TCTA: variants seen among roughly 807,000 people sequenced by gnomAD.
TCTA encodes T-cell leukemia translocation-altered gene protein.
A neutral mutation model predicts 13.5 loss-of-function variants in TCTA; 13 were observed. That is an observed-to-expected ratio of 0.96 (90% CI 0.63 to 1.53). The LOEUF (loss-of-function observed/expected upper bound fraction) is 1.53. Among genes scored for constraint, TCTA ranks in the 40% most tolerant of loss-of-function variants. The pLI is 0.00. For synonymous variants in TCTA, 58 were observed against 59.0 expected (o/e 0.98, Z 0.08); for missense variants, 138 against 131.3 (o/e 1.05, Z -0.25).
chr3:49,413,748 A>G (rs142563633), intron 2 of TCTA, among the ~76,000 whole-genome samples: 10 of 152,348 alleles, frequency 6.6e-5, no homozygotes, highest in Non-Finnish European at 1.5e-4. Context: ...CGGGTGACAT[A>G]TTAGAATAGG....
At chr3:49,412,677 C>G in intron 1 of TCTA, 37 bp downstream of exon 1, 1 of 1,600,350 alleles carries the variant, frequency 6.2e-7, no homozygotes, top group South Asian at 1.1e-5. Flanking sequence ...GCTGGCCGCC[C>G]CCGCCCCCAC....
intron 2 of TCTA, among the ~76,000 whole-genome samples, chr3:49,413,821 C>T (rs916471582): frequency 1.3e-5 from 2 of 152,218 alleles, no homozygotes; most frequent in Non-Finnish European, 2.9e-5. Flanking sequence ...CATTGAAAGA[C>T]TAACTCAGCA....
chr3:49,413,008 GA>G (rs766385247), intron 1 of TCTA, 47 bp from the exon 2 acceptor site: 1 of 1,606,382 alleles, frequency 6.2e-7, no homozygotes, highest in South Asian at 1.1e-5. Context: ...TGCCTGCTCA[GA>G]TTCCCACCCC....
chr3:49,414,859 A>G lies in TCTA; in HGVS notation c.309A>G (p.Glu103=). The part of the protein sequence containing the change: ...AANEPLKTHR[E] ...ACGAACCTCTCAAAACCCACAGAGA[A>G]TAAGGGAAGGCAGCAGAGGGTCTCC... Residue 103 remains glutamate (E), a synonymous_variant, in exon 3 of 3, where the codon GAA becomes GAG. Coordinates refer to ENST00000273590, the MANE Select transcript of TCTA (RefSeq NM_022171.3). The G allele has an allele frequency of 6.2e-7, 1 of 1,613,962 alleles. No individual in the cohort carries two copies. The highest frequency in any genetic ancestry group is 8.5e-7 in the Non-Finnish European group (1 of 1,179,876).
At chr3:49,412,679 C>T (rs754865265) in intron 1 of TCTA, 39 bp downstream of exon 1, 2 of 1,600,052 alleles carry the variant, frequency 1.2e-6, no homozygotes, top group Non-Finnish European at 1.7e-6. Context: ...TGGCCGCCCC[C>T]GCCCCCACCC....
Position 49,414,824 on chromosome 3 carries a change from A to G in TCTA, c.274A>G (p.Met92Val). The change falls in exon 3 of 3, where the codon ATG (methionine) becomes GTG (valine). Residue 92 changes from methionine (M) to valine (V), a missense_variant. Coordinates refer to ENST00000273590, the MANE Select transcript of TCTA (RefSeq NM_022171.3). ...DGSTHFPSWE[M>V]AANEPLKTHR... ...CTCTCTCTCCATCACTTTCAGGGAAATGGCAGCAAACGAACCTCTCAAAAC... is the reference window on the plus strand; with the variant it reads ...CTCTCTCTCCATCACTTTCAGGGAAGTGGCAGCAAACGAACCTCTCAAAAC... 1 of 1,613,922 alleles carries G rather than the reference A, an allele frequency of 6.2e-7. No homozygotes were observed. Among genetic ancestry groups the G allele is most frequent in the Non-Finnish European group, 8.5e-7 (1 of 1,179,826 alleles).
intron 2 of TCTA, among the ~76,000 whole-genome samples, chr3:49,414,492 C>G (rs2048984826): frequency 6.6e-6 from 1 of 152,170 alleles, no homozygotes; most frequent in African/African-American, 2.4e-5. Context: ...TGAGATCTTG[C>G]CATTGCACCC....
intron 2 of TCTA, 70 bp downstream of exon 2, chr3:49,413,180 G>C: frequency 1.3e-6 from 2 of 1,574,058 alleles, no homozygotes; most frequent in Non-Finnish European, 1.7e-6. Context: ...TGGTGACAGA[G>C]AGGGGAGTTC....
intron 1 of TCTA, 145 bp downstream of exon 1, chr3:49,412,785 C>T (rs1024443752): frequency 2.2e-5 from 22 of 1,016,648 alleles, no homozygotes; most frequent in African/African-American, 3.2e-5. Flanking sequence ...ACGCATCTGA[C>T]CTCGGAAGCT....
intron 2 of TCTA, among the ~76,000 whole-genome samples, chr3:49,413,598 G>C (rs1229086928): frequency 6.6e-6 from 1 of 152,138 alleles, no homozygotes; most frequent in Non-Finnish European, 1.5e-5. Context: ...TTTATTAGGG[G>C]AGGGCGGCAG....
rs116803093 is a variant in TCTA, at chr3:49,414,886, A to G, written c.*24A>G. 590 of 1,613,888 alleles carry G rather than the reference A, an allele frequency of 3.7e-4. 1 individual carries two copies. In the African/African-American group the frequency reaches 6.9e-3, roughly 19 times the overall value. On this transcript the variant is annotated 3_prime_UTR_variant, in exon 3 of 3. Transcript: ENST00000273590. ...AAGGGAAGGCAGCAGAGGGTCTCCA[A>G]GGGCATCACTGGGTCTGCTGGCTTC...
chr3:49,413,877 G>A (rs557629553), intron 2 of TCTA, among the ~76,000 whole-genome samples: 1 of 152,322 alleles, frequency 6.6e-6, no homozygotes, highest in South Asian at 2.1e-4. Context: ...CCTACTTCAT[G>A]GCAAGTAGAT....
In TCTA at chr3:49,412,423, A is replaced by C. The variant is rs749325066; in HGVS notation, c.-4A>C. 4.4e-6 allele frequency: 7 copies of C among 1,607,122 alleles called. No homozygotes were observed. The highest frequency in any genetic ancestry group is 5.1e-6 in the Non-Finnish European group (6 of 1,179,194). On this transcript the variant is annotated 5_prime_UTR_variant, in exon 1 of 3. Coordinates refer to ENST00000273590, the MANE Select transcript of TCTA (RefSeq NM_022171.3). ...CAGTACCCCGGGTGGGGCGAGGGCC[A>C]GTCATGGCGGAGTCCTGGTCTGGGC...
rs2048994097 is a variant in TCTA, at chr3:49,415,574, G to A, written c.*712G>A. On this transcript the variant is annotated 3_prime_UTR_variant, in exon 3 of 3. Transcript: ENST00000273590. ...GGTTGACCAGCTCTGGGGTTTGTAA[G>A]GCAGGTCTGTTTTCTCCTAGGCCCT... 2 of 152,374 alleles carry A rather than the reference G, an allele frequency of 1.3e-5. No homozygotes were observed. The highest frequency in any genetic ancestry group is 3.9e-4 in the East Asian group (2 of 5,186). 9.4% of individuals were successfully genotyped at this position (152,374 alleles called of 1,614,324 possible).
At chr3:49,413,313 G>A (rs2107924699) in intron 2 of TCTA, 1 of 593,742 alleles carries the variant, frequency 1.7e-6, no homozygotes, top group East Asian at 2.8e-5. Flanking sequence ...CTGTTCAGCA[G>A]CCTGTAGGAT....
chr3:49,414,530 G>A (rs1363190258), intron 2 of TCTA, among the ~76,000 whole-genome samples: 3 of 152,046 alleles, frequency 2.0e-5, no homozygotes, highest in African/African-American at 4.8e-5. Context: ...GTGAAACTCC[G>A]TCTCAAAAAA....
At chr3:49,414,176 G>A (rs539958814) in intron 2 of TCTA, among the ~76,000 whole-genome samples, 3 of 152,202 alleles carry the variant, frequency 2.0e-5, no homozygotes, top group African/African-American at 7.2e-5. Flanking sequence ...AGGAGGCAGA[G>A]GTTGCAGTGA....
At chr3:49,414,434 T>C (rs1357664236) in intron 2 of TCTA, among the ~76,000 whole-genome samples, 1 of 152,158 alleles carries the variant, frequency 6.6e-6, no homozygotes, top group Non-Finnish European at 1.5e-5. Flanking sequence ...CTTGGGAGGC[T>C]GAGGCAGGAA....
At chr3:49,413,431 A>G (rs6784820) in intron 2 of TCTA, 138,235 of 316,074 alleles carry the variant, frequency 0.44, 34,596 homozygotes, top group East Asian at 0.93. Context: ...TCCTGAGCAC[A>G]TTGACCTCAT....
Sources: allele counts gnomAD v4.1 joint callset (sites outside exome capture counted in the v4.1 genomes callset), GRCh38; gene constraint gnomAD v4.1.1; transcripts MANE v1.5; gene names NCBI Gene and HGNC (gene_info 2026-07-23, HGNC 2026-07-21).